Variants in GRAMD1C observed in about 807,000 individuals in gnomAD.
GRAMD1C encodes protein Aster-C.
A neutral mutation model predicts 97.8 loss-of-function variants in GRAMD1C; 89 were observed. The ratio of observed to expected loss-of-function variants is 0.91; its 90% CI spans 0.77 to 1.09. GRAMD1C has a LOEUF of 1.09. Among genes scored for constraint, GRAMD1C ranks in the 50% least tolerant of loss-of-function variants. The probability of loss-of-function intolerance (pLI) is 0.00; values close to 1 mark genes in which losing one functional copy is unlikely to be tolerated. For missense variants in GRAMD1C, 740 were observed against 766.4 expected (o/e 0.97, Z 0.41); for synonymous variants, 256 against 267.0 (o/e 0.96, Z 0.40).
intron 3 of GRAMD1C, among the ~76,000 whole-genome samples, chr3:113,869,929 A>G (rs1934729828): frequency 6.6e-6 from 1 of 152,194 alleles, no homozygotes; most frequent in South Asian, 2.1e-4. Context: ...ATAAAAAAGA[A>G]TGAAATGCTG....
intron 6 of GRAMD1C, among the ~76,000 whole-genome samples, chr3:113,890,224 C>T (rs1438317990): frequency 1.4e-4 from 21 of 152,156 alleles, no homozygotes; most frequent in Non-Finnish European, 2.9e-5. Context: ...TTGCCAAGCC[C>T]AGTCTCTCTG....
chr3:113,848,291 G>A (rs1288912839), intron 2 of GRAMD1C, among the ~76,000 whole-genome samples: 2 of 152,134 alleles, frequency 1.3e-5, no homozygotes, highest in Non-Finnish European at 2.9e-5. Context: ...TTGGGTCATG[G>A]TATTACAACA....
At chr3:113,834,774 A>C (rs1470131500), upstream of GRAMD1C, among the ~76,000 whole-genome samples, 1 of 144,360 alleles carries the variant, frequency 6.9e-6, no homozygotes, top group Non-Finnish European at 1.5e-5. Flanking sequence ...TCTCTACTAA[A>C]AAAAAAAAAA....
intron 10 of GRAMD1C, among the ~76,000 whole-genome samples, chr3:113,930,134 A>C (rs922147763): frequency 2.0e-5 from 3 of 152,312 alleles, no homozygotes; most frequent in East Asian, 1.9e-4. Flanking sequence ...TCTTGCTATA[A>C]ACATAGAGAT....
chr3:113,855,665 A>G (rs1365243801), intron 2 of GRAMD1C, among the ~76,000 whole-genome samples: 1 of 151,732 alleles, frequency 6.6e-6, no homozygotes, highest in Non-Finnish European at 1.5e-5. Context: ...AGATCACACC[A>G]CTGTACTCCA....
intron 10 of GRAMD1C, among the ~76,000 whole-genome samples, chr3:113,930,253 TA>T (rs1294616857): frequency 6.6e-6 from 1 of 152,208 alleles, no homozygotes; most frequent in Non-Finnish European, 1.5e-5. Context: ...TGATTTCTCA[TA>T]ACATTGACAT....
Position 113,838,920 on chromosome 3 carries a change from C to T in GRAMD1C, c.11C>T (p.Ala4Val), listed in dbSNP as rs745706641. Residue 4 changes from alanine (A) to valine (V), a missense_variant, in exon 1 of 18, where the codon GCT becomes GTT. Transcript: ENST00000358160. Reference protein sequence around the residue: MEGAPTVRQVMNEG... With the variant: MEGVPTVRQVMNEG... ...GCGGAGGGAGCCGCGATGGAGGGCG[C>T]TCCGACTGTCCGTCAGGTAAGCCGC... is the stretch of plus-strand genomic sequence containing the variant. The T allele has an allele frequency of 4.2e-6, 5 of 1,196,082 alleles. No homozygotes were observed. In the East Asian group the frequency reaches 1.3e-4, roughly 31 times the overall value. The allele number at this position is 1,196,082 out of a possible 1,614,324, so 74.1% of individuals were successfully genotyped here.
chr3:113,881,438 A>G (rs1222316632), intron 5 of GRAMD1C, among the ~76,000 whole-genome samples: 1 of 152,232 alleles, frequency 6.6e-6, no homozygotes, highest in African/African-American at 2.4e-5. Context: ...GATTACAGGC[A>G]TGAGCCACCA....
intron 10 of GRAMD1C, among the ~76,000 whole-genome samples, chr3:113,922,709 T>C (rs1246547991): frequency 6.6e-6 from 1 of 152,208 alleles, no homozygotes; most frequent in Non-Finnish European, 1.5e-5. Context: ...TTGGGTATTG[T>C]GATGCCTCCA....
At chr3:113,925,101 G>A (rs1171487245) in intron 10 of GRAMD1C, among the ~76,000 whole-genome samples, 1 of 152,180 alleles carries the variant, frequency 6.6e-6, no homozygotes, top group Non-Finnish European at 1.5e-5. Context: ...AGCAATCTCT[G>A]CTTTTTTTGT....
At chr3:113,902,081 T>C (rs1936192692) in intron 7 of GRAMD1C, among the ~76,000 whole-genome samples, 1 of 152,230 alleles carries the variant, frequency 6.6e-6, no homozygotes, top group Non-Finnish European at 1.5e-5. Context: ...CACTAAATTG[T>C]ACACTTTACA....
intron 2 of GRAMD1C, among the ~76,000 whole-genome samples, chr3:113,852,909 A>G (rs1933970072): frequency 1.3e-5 from 2 of 152,148 alleles, no homozygotes; most frequent in South Asian, 4.1e-4. Flanking sequence ...TCCTGAGAAT[A>G]TGTAACTATA....
Position 113,876,242 on chromosome 3 carries a change from A to G in GRAMD1C, c.441A>G (p.Ile147Met), listed in dbSNP as rs1372272166. 13 of 1,578,634 alleles carry G rather than the reference A, an allele frequency of 8.2e-6. No individual in the cohort carries two copies. The Admixed American group carries it at 2.2e-4, about 26-fold the overall frequency. ...TARLIPNAIQ[I>M]VTESEKFFFT... ...GACTCATCCCAAACGCTATCCAGAT[A>G]GTTACAGAAAGTGAAAAGGTGAAAA... The change falls in exon 5 of 18, where the codon ATA becomes ATG. Residue 147 changes from isoleucine to methionine, a missense_variant. Physicochemically the swap from Ile to Met is conservative, Grantham distance 10. Transcript: ENST00000358160.
In GRAMD1C at chr3:113,901,016, T is replaced by G; in HGVS notation, c.541-15T>G. ...ATATTTTCCAATGCTCAGTGTAATT[T>G]TTCTGTCACTTTAGAGCCTGACTAG... On this transcript the variant is annotated splice_polypyrimidine_tract_variant and intron_variant, in intron 6 of 17. Coordinates refer to ENST00000358160, the MANE Select transcript of GRAMD1C (RefSeq NM_017577.5). The G allele has an allele frequency of 7.7e-7, 1 of 1,293,022 alleles. No homozygotes were observed. The highest frequency in any genetic ancestry group is 1.1e-6 in the Non-Finnish European group (1 of 890,634). The allele number at this position is 1,293,022 out of a possible 1,614,324, so 80.1% of individuals were successfully genotyped here.
At chr3:113,928,952 C>T (rs1021580150) in intron 10 of GRAMD1C, among the ~76,000 whole-genome samples, 6 of 138,940 alleles carry the variant, frequency 4.3e-5, no homozygotes, top group African/African-American at 1.6e-4. Context: ...ACTGTCTGTT[C>T]AGGTCCCTGC....
intron 10 of GRAMD1C, chr3:113,919,443 A>C (rs1577205554): frequency 1.9e-6 from 1 of 515,256 alleles, no homozygotes; most frequent in East Asian, 5.4e-5. Context: ...TTTATAGGTC[A>C]AATGGAACTT....
intron 3 of GRAMD1C, among the ~76,000 whole-genome samples, chr3:113,872,032 T>G (rs1186835801): frequency 1.3e-5 from 2 of 152,204 alleles, no homozygotes; most frequent in African/African-American, 4.8e-5. Context: ...CTCGATGAAT[T>G]TCTAGACAGC....
chr3:113,873,167 T>C (rs1934900942), intron 3 of GRAMD1C, among the ~76,000 whole-genome samples: 1 of 146,952 alleles, frequency 6.8e-6, no homozygotes, highest in African/African-American at 2.5e-5. Flanking sequence ...GACTGAGACA[T>C]GAGAATAGCT....
intron 1 of GRAMD1C, among the ~76,000 whole-genome samples, chr3:113,830,310 C>A (rs552295722): frequency 6.6e-6 from 1 of 152,176 alleles, no homozygotes; most frequent in African/African-American, 2.4e-5. Context: ...GTTGAACATG[C>A]CTGGCATCCA....
Sources: gnomAD v4.1 joint callset for allele counts (sites outside exome capture counted in the v4.1 genomes callset) on GRCh38, gnomAD v4.1.1 for gene constraint, MANE v1.5 for transcripts, NCBI Gene and HGNC (gene_info 2026-07-23, HGNC 2026-07-21) for gene names.